TM9SF1: variants seen among roughly 807,000 people sequenced by gnomAD.
TM9SF1 encodes MP70 protein family member.
TM9SF1 carries 25 observed loss-of-function variants against 52.4 expected under a neutral mutation model. The ratio of observed to expected loss-of-function variants is 0.48; its 90% CI spans 0.35 to 0.67. TM9SF1 has a LOEUF of 0.67. Among genes scored for constraint, TM9SF1 ranks in the 30% least tolerant of loss-of-function variants. The probability of loss-of-function intolerance (pLI) is 0.01; values close to 1 mark genes in which losing one functional copy is unlikely to be tolerated. For synonymous variants in TM9SF1, 284 were observed against 299.8 expected (o/e 0.95, Z 0.55); for missense variants, 604 against 780.3 (o/e 0.77, Z 2.69).
At chr14:24,193,398 G>C in intron 2 of TM9SF1, 129 bp from the exon 3 acceptor site, 1 of 1,069,996 alleles carries the variant, frequency 9.3e-7, no homozygotes, top group South Asian at 1.7e-5. Flanking sequence ...ATGGAGTCTT[G>C]CTCTGTCACC....
chr14:24,192,063 C>G lies in TM9SF1; in HGVS notation c.1153+108G>C. On this transcript the variant is annotated intron_variant, in intron 4 of 5. Transcript: ENST00000261789. This position sits in a 1 kb window ranked among gnomAD's most constrained non-coding sequence, Gnocchi z 4.0. ...TTGGGCTCAAGTGATCCTCCGGCCT[C>G]GGTCTCCCAAAGTGCTAGGATTACA... is the stretch of plus-strand genomic sequence containing the variant. 8.7e-7 allele frequency: 1 copy of G among 1,146,630 alleles called. No individual in the cohort carries two copies. Among genetic ancestry groups the G allele is most frequent in the Non-Finnish European group, 1.3e-6 (1 of 773,640 alleles). 71.0% of individuals were successfully genotyped at this position (1,146,630 alleles called of 1,614,324 possible). A position where few individuals can be genotyped will look rare whatever the true frequency, so the allele number is the denominator to read the frequency against.
chr14:24,189,177 T>C lies in TM9SF1; in HGVS notation c.*238A>G. The C allele has an allele frequency of 6.3e-6, 3 of 476,100 alleles. No homozygotes were observed. The highest frequency in any genetic ancestry group is 3.7e-6 in the Non-Finnish European group (1 of 273,600). 29.5% of individuals were successfully genotyped at this position (476,100 alleles called of 1,614,324 possible). ...TTCTTAATAAATTTTATTTTGGTAA[T>C]TGTAAAAAGAAAAATCAGGACCAAA... On this transcript the variant is annotated 3_prime_UTR_variant, in exon 6 of 6. Coordinates refer to ENST00000261789, the MANE Select transcript of TM9SF1 (RefSeq NM_006405.7).
rs958990795 is a variant in TM9SF1 at position 24,193,203 on chromosome 14, T to C, written c.412A>G (p.Ile138Val). 9.3e-6 allele frequency: 15 copies of C among 1,614,076 alleles called. No individual in the cohort carries two copies. The highest frequency in any genetic ancestry group is 1.3e-5 in the African/African-American group (1 of 75,032). ...YFEFVVDDLP[I>V]RGFVGYMEES... ...TCCATGTAGCCCACAAAGCCCCGGATTGGCAAGTCATCTACCACAAATTCA... is the reference window on the plus strand; with the variant it reads ...TCCATGTAGCCCACAAAGCCCCGGACTGGCAAGTCATCTACCACAAATTCA... The change falls in exon 3 of 6, where the codon ATC becomes GTC. Residue 138 changes from isoleucine to valine, a missense_variant. By Grantham distance (29) the Ile-to-Val change is conservative. Transcript: ENST00000261789.
rs140067305 is a variant in TM9SF1, at chr14:24,194,974, G to A, written c.46C>T (p.Pro16Ser). The stretch of plus-strand genomic sequence containing the variant: ...GTGCCCAGCAACAGTATCAGGATTG[G>A]CAACCACTGGCAGCTCCAACTTCGA... ...NPRSWSCQWL[P>S]ILILLLGTGH... The change falls in exon 2 of 6, where the codon CCA becomes TCA. Residue 16 changes from proline (P) to serine (S), a missense_variant. Physicochemically the swap from Pro to Ser is moderately conservative, Grantham distance 74. This residue lies in a region of TM9SF1 where 47 missense variants were observed against 39.7 expected (regional missense o/e 1.18). Transcript: ENST00000261789. The A allele has an allele frequency of 6.2e-7, 1 of 1,614,108 alleles. No individual in the cohort carries two copies. Among genetic ancestry groups the A allele is most frequent in the Non-Finnish European group, 8.5e-7 (1 of 1,180,018 alleles).
chr14:24,192,710 G>T lies in TM9SF1; in HGVS notation c.905C>A (p.Pro302Gln), dbSNP rs752923406. 2 of 1,611,310 alleles carry T rather than the reference G, an allele frequency of 1.2e-6. No homozygotes were observed. The highest frequency in any genetic ancestry group is 1.7e-6 in the Non-Finnish European group (2 of 1,178,428). The stretch of plus-strand genomic sequence containing the variant: ...CACAGCACAGAGCAGACCACGGTAT[G>T]GGGGGAAGCGGAAGACATCTGTATG... Reference protein sequence around the residue: ...IIHTDVFRFPPYRGLLCAVLG... With the variant: ...IIHTDVFRFPQYRGLLCAVLG... The change falls in exon 3 of 6, where the codon CCA becomes CAA. Residue 302 changes from proline (P) to glutamine (Q), a missense_variant. By Grantham distance (76) the Pro-to-Gln change is moderately conservative. Coordinates refer to ENST00000261789, the MANE Select transcript of TM9SF1 (RefSeq NM_006405.7). The surrounding 1 kb of genome is among the most constrained non-coding windows in gnomAD (Gnocchi z 4.0).
chr14:24,194,882 G>A lies in TM9SF1; in HGVS notation c.138C>T (p.Val46=), dbSNP rs2039374515. The A allele has an allele frequency of 6.2e-7, 1 of 1,614,248 alleles. No individual in the cohort carries two copies. ...GGTTATGGTAGGGTCCCACTTTGTT[G>A]ACATACAGAATAACAGGGTCGCCGG... ...YKAGDPVILY[V]NKVGPYHNPQ... is the part of the protein sequence containing the mutation. The change falls in exon 2 of 6, where the codon GTC becomes GTT. Residue 46 remains valine (V), a synonymous_variant. Coordinates refer to ENST00000261789, the MANE Select transcript of TM9SF1 (RefSeq NM_006405.7).
rs150852398 is a variant in TM9SF1 at position 24,190,851 on chromosome 14, GTTTTTTTTTTTTTTTT to G, written c.1154-214_1154-199del. 7.6e-5 allele frequency among the ~76,000 whole-genome samples: 5 copies of G among 65,436 alleles called. No homozygotes were observed. In the Admixed American group the frequency reaches 1.1e-3, roughly 14 times the overall value. The allele number at this position is 65,436 out of a possible 152,430, so 42.9% of individuals were successfully genotyped here. On this transcript the variant is annotated intron_variant, in intron 4 of 5. Coordinates refer to ENST00000261789, the MANE Select transcript of TM9SF1 (RefSeq NM_006405.7). ...CAGGTCCCATTATTCTTTGTTCTGT[GTTTTTTTTTTTTTTTT>G]TTTTTTTTTTTTGAGACAGAGTCTC...
chr14:24,193,156 G>A lies in TM9SF1; in HGVS notation c.459C>T (p.His153=), dbSNP rs758904226. ...GGGTCCAGAGTCCTATCTTGTGGCTGTGTGGCAGGAAACCACTCTCCTCCA... is the reference window on the plus strand; with the variant it reads ...GGGTCCAGAGTCCTATCTTGTGGCTATGTGGCAGGAAACCACTCTCCTCCA... The part of the protein sequence containing the change: ...GYMEESGFLP[H]SHKIGLWTHL... Residue 153 remains histidine (H), a synonymous_variant, in exon 3 of 6, where the codon CAC becomes CAT. Coordinates refer to ENST00000261789, the MANE Select transcript of TM9SF1 (RefSeq NM_006405.7). 73 of 1,614,048 alleles carry A rather than the reference G, an allele frequency of 4.5e-5. No homozygotes were observed. Among genetic ancestry groups the A allele is most frequent in the Non-Finnish European group, 5.6e-5 (66 of 1,180,048 alleles).
At chr14:24,195,099 C>T (rs1209073994) in intron 1 of TM9SF1, 63 bp from the exon 2 acceptor site, 6 of 1,237,252 alleles carry the variant, frequency 4.8e-6, no homozygotes, top group Non-Finnish European at 6.8e-6. Flanking sequence ...AGGTCAGGTG[C>T]CTCGAACTGA....
intron 4 of TM9SF1, chr14:24,191,867 G>A (rs766322181): frequency 5.5e-4 from 168 of 306,070 alleles, no homozygotes; most frequent in Non-Finnish European, 9.4e-4. Flanking sequence ...GAGTGCAGTG[G>A]TGCAATCATG....
rs1178100439 is a variant in TM9SF1, at chr14:24,192,801, C to T, written c.814G>A (p.Glu272Lys). The change falls in exon 3 of 6, where the codon GAG (glutamate) becomes AAG (lysine). Residue 272 changes from glutamate (E) to lysine (K), a missense_variant. Physicochemically the swap from Glu to Lys is moderately conservative, Grantham distance 56. Coordinates refer to ENST00000261789, the MANE Select transcript of TM9SF1 (RefSeq NM_006405.7). This position sits in a 1 kb window ranked among gnomAD's most constrained non-coding sequence, Gnocchi z 4.0. ...CCAGAACCTGCAGAGGTGGTCTCCT[C>T]ATCTAAGTTGTACCGAGCCAGGTCA... ...RNDLARYNLD[E>K]ETTSAGSGDD... 3 of 1,614,096 alleles carry T rather than the reference C, an allele frequency of 1.9e-6. No individual in the cohort carries two copies. Among genetic ancestry groups the T allele is most frequent in the South Asian group, 2.2e-5 (2 of 91,074 alleles).
rs1027247777 is a variant in TM9SF1 at position 24,194,775 on chromosome 14, A to T, written c.245T>A (p.Val82Glu). Residue 82 changes from valine (V) to glutamate (E), a missense_variant, in exon 2 of 6, where the codon GTG becomes GAG. Coordinates refer to ENST00000261789, the MANE Select transcript of TM9SF1 (RefSeq NM_006405.7). Reference sequence around the variant, plus strand: ...CTCAGCCATTCGGTCCCCATCCAGCACTTCACCCAGGCTAAGGCTTTTGTG... The same window carrying T: ...CTCAGCCATTCGGTCCCCATCCAGCTCTTCACCCAGGCTAAGGCTTTTGTG... The part of the protein sequence containing the change: ...IRHKSLSLGE[V>E]LDGDRMAESL... 6.2e-7 allele frequency: 1 copy of T among 1,614,192 alleles called. No individual in the cohort carries two copies. The highest frequency in any genetic ancestry group is 8.5e-7 in the Non-Finnish European group (1 of 1,180,036).
At chr14:24,194,636 G>A (rs772212909) in intron 2 of TM9SF1, 39 bp downstream of exon 2, 8 of 1,567,130 alleles carry the variant, frequency 5.1e-6, no homozygotes, top group Admixed American at 1.7e-5. Flanking sequence ...TAGTCTCTGG[G>A]AAGGAGGGCT....
chr14:24,190,024 G>A, intron 5 of TM9SF1: 1 of 1,369,074 alleles, frequency 7.3e-7, no homozygotes, highest in Non-Finnish European at 9.4e-7. Context: ...AATAGATTGA[G>A]GGCAGGGATC....
chr14:24,189,823 G>A lies in TM9SF1; in HGVS notation c.1428-15C>T, dbSNP rs1322100219. Reference sequence around the variant, plus strand: ...CAGAGATGGCACTGTGAAGAAAAGAGATGATACACAGCATTAAAGGGCTGT... The same window carrying A: ...CAGAGATGGCACTGTGAAGAAAAGAAATGATACACAGCATTAAAGGGCTGT... On this transcript the variant is annotated splice_polypyrimidine_tract_variant and intron_variant, in intron 5 of 5. Transcript: ENST00000261789. 3.8e-6 allele frequency: 6 copies of A among 1,590,722 alleles called. No individual in the cohort carries two copies. The East Asian group carries it at 6.7e-5, about 18-fold the overall frequency.
At chr14:24,191,694 G>C (rs773059034) in intron 4 of TM9SF1, 1 of 159,456 alleles carries the variant, frequency 6.3e-6, no homozygotes, top group Admixed American at 5.9e-5. Context: ...TGAGGGCTTA[G>C]TAATTTTAAA....
rs772769162 is a variant in TM9SF1, at chr14:24,189,676, G to T, written c.1560C>A (p.Thr520=). Residue 520 remains threonine, a synonymous_variant, in exon 6 of 6, where the codon ACC becomes ACA. Coordinates refer to ENST00000261789, the MANE Select transcript of TM9SF1 (RefSeq NM_006405.7). ...AATCCTCCCCAGACAACTGGAAGTA[G>T]GTGAGTGCAATGGAGATGCAAGCCC... ...SVGACISIAL[T]YFQLSGEDYR... is the part of the protein sequence containing the mutation. The T allele has an allele frequency of 4.3e-6, 7 of 1,614,070 alleles. No homozygotes were observed. In the Admixed American group the frequency reaches 1.2e-4, roughly 27 times the overall value.
Position 24,192,794 on chromosome 14 carries a change from G to A in TM9SF1, c.821C>T (p.Thr274Ile). The A allele has an allele frequency of 6.2e-7, 1 of 1,614,090 alleles. No individual in the cohort carries two copies. Among genetic ancestry groups the A allele is most frequent in the Non-Finnish European group, 8.5e-7 (1 of 1,179,988 alleles). The change falls in exon 3 of 6, where the codon ACC (threonine) becomes ATC (isoleucine). Residue 274 changes from threonine to isoleucine, a missense_variant. Physicochemically the swap from Thr to Ile is moderately conservative, Grantham distance 89. Around this residue, in one of 3 missense-constraint regions of TM9SF1, gnomAD observed 450 missense variants for 560.1 expected, o/e 0.80. Transcript: ENST00000261789. This position sits in a 1 kb window ranked among gnomAD's most constrained non-coding sequence, Gnocchi z 4.0. ...GTCATCACCAGAACCTGCAGAGGTG[G>A]TCTCCTCATCTAAGTTGTACCGAGC... ...DLARYNLDEE[T>I]TSAGSGDDFD...
At chr14:24,191,348 G>T (rs1408617953) in intron 4 of TM9SF1, among the ~76,000 whole-genome samples, 5 of 152,144 alleles carry the variant, frequency 3.3e-5, no homozygotes, top group African/African-American at 1.2e-4. Context: ...AGAAAGCCTT[G>T]GTTCAAATAT....
Sources: allele counts gnomAD v4.1 joint callset (sites outside exome capture counted in the v4.1 genomes callset), GRCh38; gene constraint gnomAD v4.1.1; regional missense constraint gnomAD v4.1.1; non-coding constraint Gnocchi (gnomAD v3.1); transcripts MANE v1.5; gene names NCBI Gene and HGNC (gene_info 2026-07-23, HGNC 2026-07-21).